Variants in GRIN1 observed in about 807,000 individuals in gnomAD.
The protein encoded by GRIN1 is glutamate ionotropic receptor NMDA type subunit 1, also known as glutamate receptor ionotropic, NMDA 1.
GRIN1 carries 38 observed loss-of-function variants against 103.0 expected under a neutral mutation model. The ratio of observed to expected loss-of-function variants is 0.37; its 90% CI spans 0.28 to 0.48. The LOEUF (loss-of-function observed/expected upper bound fraction) is 0.48, where lower values mean the gene tolerates loss of function less well. Among genes scored for constraint, GRIN1 ranks in the 20% least tolerant of loss-of-function variants. The pLI, the probability that GRIN1 is intolerant of heterozygous loss-of-function variation, is 0.98. For missense variants in GRIN1, 577 were observed against 1,288.9 expected (o/e 0.45, Z 8.46); for synonymous variants, 544 against 532.7 (o/e 1.02, Z -0.29).
rs780733521 is a variant in GRIN1 at position 137,162,844 on chromosome 9, A to G, written c.2014-2A>G. The G allele has an allele frequency of 6.2e-7, 1 of 1,612,144 alleles. No individual in the cohort carries two copies. The highest frequency in any genetic ancestry group is 2.2e-5 in the East Asian group (1 of 44,868). ...CGCGATCCCTGCCCTCCGACCCTGCAGCTGAGGAACCCCTCGGACAAGTTT... is the reference window on the plus strand; with the variant it reads ...CGCGATCCCTGCCCTCCGACCCTGCGGCTGAGGAACCCCTCGGACAAGTTT... On this transcript the variant is annotated splice_acceptor_variant, in intron 14 of 19. Coordinates refer to ENST00000371561, the MANE Select transcript of GRIN1 (RefSeq NM_007327.4). LOFTEE classifies it high-confidence loss of function.
In GRIN1 at chr9:137,167,763, C is replaced by A. The variant is rs1833960461; in HGVS notation, c.*236C>A. The A allele has an allele frequency of 6.2e-7, 1 of 1,611,864 alleles. No homozygotes were observed. The highest frequency in any genetic ancestry group is 8.5e-7 in the Non-Finnish European group (1 of 1,179,400). On this transcript the variant is annotated 3_prime_UTR_variant, in exon 20 of 20. Coordinates refer to ENST00000371561, the MANE Select transcript of GRIN1 (RefSeq NM_007327.4). ...TAACGGGCGCCTTGTCTGTGTATTT[C>A]TATTTTGCAGCAGTACCATCCCACT...
chr9:137,152,007 C>T (rs1007989725), intron 4 of GRIN1, among the ~76,000 whole-genome samples: 3 of 144,872 alleles, frequency 2.1e-5, no homozygotes, highest in East Asian at 4.3e-4. Context: ...CCCGGGCTCA[C>T]GCCATTCTCC....
chr9:137,143,341 C>T (rs564915280), intron 2 of GRIN1, among the ~76,000 whole-genome samples: 1 of 152,252 alleles, frequency 6.6e-6, no homozygotes, highest in Non-Finnish European at 1.5e-5. Context: ...CTCTGAAAGC[C>T]CTGGCGTGCC....
At chr9:137,158,124 A>G (rs1352802187) in intron 6 of GRIN1, among the ~76,000 whole-genome samples, 7 of 152,212 alleles carry the variant, frequency 4.6e-5, no homozygotes, top group Non-Finnish European at 5.9e-5. Context: ...TGGCACCCAT[A>G]AACCACTCAG....
Position 137,167,384 on chromosome 9 carries a change from G to T in GRIN1, c.2701-27G>T, listed in dbSNP as rs1376374615. The T allele has an allele frequency of 1.4e-5, 21 of 1,536,508 alleles. No individual in the cohort carries two copies. The African/African-American group carries it at 2.9e-4, about 21-fold the overall frequency. On this transcript the variant is annotated intron_variant, in intron 19 of 19. Transcript: ENST00000371561. ...CCCTGGCGGCCGGCGGGGCCAGCGG[G>T]TATTGATTGTTGGTTCTTATTTATA...
At chr9:137,157,963 C>T (rs932177166) in intron 6 of GRIN1, among the ~76,000 whole-genome samples, 6 of 152,258 alleles carry the variant, frequency 3.9e-5, no homozygotes, top group Admixed American at 2.0e-4. Context: ...CGTGCACACA[C>T]AGCCGGACAG....
At chr9:137,157,691 T>C (rs896189718) in intron 6 of GRIN1, among the ~76,000 whole-genome samples, 1 of 152,208 alleles carries the variant, frequency 6.6e-6, no homozygotes, top group African/African-American at 2.4e-5. Context: ...ACAGCACGCC[T>C]GGACACCATG....
chr9:137,147,017 T>TC lies in GRIN1; in HGVS notation c.570+1121dup, dbSNP rs372184006. Among the ~76,000 whole-genome samples, 11 of 67,062 alleles carry TC rather than the reference T, an allele frequency of 1.6e-4. 1 individual carries two copies. Among genetic ancestry groups the TC allele is most frequent in the South Asian group, 1.0e-3 (2 of 1,962 alleles). The allele number at this position is 67,062 out of a possible 152,430, so 44.0% of individuals were successfully genotyped here. Reference sequence around the variant, plus strand: ...CTCACCCCAGTGCCCGACAGGCCCCTCCCCCCAGCGCCCGACAGGCCCCTC... The same window carrying TC: ...CTCACCCCAGTGCCCGACAGGCCCCTCCCCCCCAGCGCCCGACAGGCCCCTC... On this transcript the variant is annotated intron_variant, in intron 3 of 19. Coordinates refer to ENST00000371561, the MANE Select transcript of GRIN1 (RefSeq NM_007327.4).
chr9:137,154,744 G>C (rs553865046), intron 4 of GRIN1, among the ~76,000 whole-genome samples: 2 of 152,208 alleles, frequency 1.3e-5, no homozygotes, highest in African/African-American at 4.8e-5. Context: ...CAGTTACTGC[G>C]CCTGGCCTCA....
intron 4 of GRIN1, among the ~76,000 whole-genome samples, chr9:137,150,090 T>G (rs1227679750): frequency 6.6e-6 from 1 of 152,122 alleles, no homozygotes; most frequent in Non-Finnish European, 1.5e-5. Flanking sequence ...CCACGGGGCC[T>G]TACATGCTCC....
intron 4 of GRIN1, among the ~76,000 whole-genome samples, chr9:137,151,610 C>A (rs1832920147): frequency 6.6e-6 from 1 of 152,066 alleles, no homozygotes; most frequent in African/African-American, 2.4e-5. Flanking sequence ...CAGAAAAAGC[C>A]CCGCCCAGAA....
At position 137,139,395 on chromosome 9, in the gene GRIN1, G is replaced by A. The variant is rs1832041614; in HGVS notation, c.-92G>A. Reference sequence around the variant, plus strand: ...CGTGGCGTCCGCAGCCCGCGGGGCCGGGCGAGCGCAGGACGGCCCGGAAGC... The same window carrying A: ...CGTGGCGTCCGCAGCCCGCGGGGCCAGGCGAGCGCAGGACGGCCCGGAAGC... On this transcript the variant is annotated 5_prime_UTR_variant, in exon 1 of 20. Transcript: ENST00000371561. This position sits in a 1 kb window ranked among gnomAD's most constrained non-coding sequence, Gnocchi z 7.7. 3.5e-6 allele frequency: 3 copies of A among 850,352 alleles called. No homozygotes were observed. The highest frequency in any genetic ancestry group is 4.6e-6 in the Non-Finnish European group (3 of 651,488). 52.7% of individuals were successfully genotyped at this position (850,352 alleles called of 1,614,324 possible). A position where few individuals can be genotyped will look rare whatever the true frequency, so the allele number is the denominator to read the frequency against.
chr9:137,141,442 G>A (rs1564339939), intron 1 of GRIN1, among the ~76,000 whole-genome samples: 1 of 152,330 alleles, frequency 6.6e-6, no homozygotes, highest in East Asian at 1.9e-4. Flanking sequence ...TGAGGATGAG[G>A]CCAGCACTCA....
At chr9:137,153,051 A>G (rs988395694) in intron 4 of GRIN1, among the ~76,000 whole-genome samples, 2 of 152,032 alleles carry the variant, frequency 1.3e-5, no homozygotes, top group African/African-American at 4.8e-5. Context: ...TACACAACAC[A>G]TACACGTGCA....
chr9:137,164,420 G>T, intron 18 of GRIN1: 1 of 225,630 alleles, frequency 4.4e-6, no homozygotes, highest in Non-Finnish European at 8.9e-6. Flanking sequence ...AGCAAGGGCA[G>T]CCACGGCCCA....
At chr9:137,157,817 T>A (rs1011381323) in intron 6 of GRIN1, among the ~76,000 whole-genome samples, 2 of 152,102 alleles carry the variant, frequency 1.3e-5, no homozygotes, top group African/African-American at 4.8e-5. Context: ...ACGACACACA[T>A]ACACAGAACC....
intron 8 of GRIN1, among the ~76,000 whole-genome samples, chr9:137,160,821 C>A (rs576854434): frequency 6.6e-6 from 1 of 152,222 alleles, no homozygotes; most frequent in Admixed American, 6.5e-5. Flanking sequence ...AGCCCCCACC[C>A]CCCCGGGGCT....
chr9:137,156,848 C>T lies in GRIN1; in HGVS notation c.794-15C>T, dbSNP rs1436937408. The T allele has an allele frequency of 1.9e-6, 3 of 1,609,474 alleles. No individual in the cohort carries two copies. The highest frequency in any genetic ancestry group is 2.2e-5 in the South Asian group (2 of 90,538). On this transcript the variant is annotated splice_polypyrimidine_tract_variant and intron_variant, in intron 5 of 19. Transcript: ENST00000371561. Reference sequence around the variant, plus strand: ...GGGGAGGACCCCACGGGCTCTGAGTCGCATGCTCGCCTAGGCATCCTCGGG... The same window carrying T: ...GGGGAGGACCCCACGGGCTCTGAGTTGCATGCTCGCCTAGGCATCCTCGGG...
chr9:137,156,759 CT>C lies in GRIN1; in HGVS notation c.763del (p.Ser255ArgfsTer71). 1.9e-6 allele frequency: 3 copies of C among 1,588,684 alleles called. No homozygotes were observed. Among genetic ancestry groups the C allele is most frequent in the Non-Finnish European group, 2.6e-6 (3 of 1,169,164 alleles). ...YVWLVGEREI[S>X]GNALRYAPDG... ...TGTGGCTGGTCGGCGAGCGCGAGATCTCGGGGAACGCCCTGCGCTACGCCCC... is the reference window on the plus strand; with the variant it reads ...TGTGGCTGGTCGGCGAGCGCGAGATCCGGGGAACGCCCTGCGCTACGCCCC... On this transcript the variant is annotated frameshift_variant, in exon 5 of 20. Coordinates refer to ENST00000371561, the MANE Select transcript of GRIN1 (RefSeq NM_007327.4). LOFTEE classifies it high-confidence loss of function.
Sources: allele counts gnomAD v4.1 joint callset (sites outside exome capture counted in the v4.1 genomes callset), GRCh38; gene constraint gnomAD v4.1.1; non-coding constraint Gnocchi (gnomAD v3.1); transcripts MANE v1.5; gene names NCBI Gene and HGNC (gene_info 2026-07-23, HGNC 2026-07-21).